Variants in KALRN observed in about 807,000 individuals in gnomAD.
KALRN encodes the protein kalirin.
A neutral mutation model predicts 353.7 loss-of-function variants in KALRN; 70 were observed. That is an observed-to-expected ratio of 0.20 (90% CI 0.16 to 0.24). The LOEUF (loss-of-function observed/expected upper bound fraction) is 0.24. KALRN is among the 10% of genes least tolerant of loss of function. KALRN has a pLI of 1.00. For synonymous variants in KALRN, 1,391 were observed against 1,434.8 expected (o/e 0.97, Z 0.69); for missense variants, 2,791 against 3,756.7 (o/e 0.74, Z 6.72).
At chr3:124,375,700 G>A (rs2086495023) in intron 10 of KALRN, among the ~76,000 whole-genome samples, 1 of 152,114 alleles carries the variant, frequency 6.6e-6, no homozygotes, top group African/African-American at 2.4e-5. Flanking sequence ...GTATTTTATT[G>A]TTGTTGTTAT....
chr3:124,227,272 A>C (rs983648135), intron 1 of KALRN, among the ~76,000 whole-genome samples: 2 of 152,352 alleles, frequency 1.3e-5, no homozygotes, highest in Non-Finnish European at 2.9e-5. Context: ...ATTTAGAAAG[A>C]GAACAAGTTA....
chr3:124,458,904 A>C (rs141409296), intron 23 of KALRN, among the ~76,000 whole-genome samples: 4 of 152,366 alleles, frequency 2.6e-5, no homozygotes, highest in African/African-American at 7.2e-5. Flanking sequence ...ACTGCACTCC[A>C]GCCTGGGCAA....
rs145058970 is a variant in KALRN, at chr3:124,717,674, C to T, written c.8415+289C>T. ...TCGCGCCACTGCACTGTAGCCTGGG[C>T]GACAGAGCGAGACTCCCTTCAAAAA... On this transcript the variant is annotated intron_variant, in intron 59 of 59. Transcript: ENST00000682506. 4.3e-3 allele frequency among the ~76,000 whole-genome samples: 655 copies of T among 151,152 alleles called. 2 individuals are homozygous for T. The highest frequency in any genetic ancestry group is 0.031 in the Middle Eastern group (9 of 286).
chr3:124,091,015 A>G (rs931919523), intron 1 of KALRN, among the ~76,000 whole-genome samples: 1 of 152,178 alleles, frequency 6.6e-6, no homozygotes, highest in Non-Finnish European at 1.5e-5. Flanking sequence ...GGGGACACTA[A>G]GCTGTCATGG....
chr3:124,216,922 C>T (rs144545533), intron 1 of KALRN, among the ~76,000 whole-genome samples: 182 of 152,276 alleles, frequency 1.2e-3, no homozygotes, highest in Middle Eastern at 3.4e-3. Context: ...TAGTTAGTCT[C>T]CTCTCTTCTC....
chr3:124,268,946 G>A lies in KALRN; in HGVS notation c.660G>A (p.Val220=), dbSNP rs1177996615. Residue 220 remains valine, a synonymous_variant, in exon 5 of 60, where the codon GTG becomes GTA. Transcript: ENST00000682506. ...TGCTAGCCCGGAAGGAGTTTCCTGTGGATGTGGAGGGCTCTCGGCGGCTCA... is the reference window on the plus strand; with the variant it reads ...TGCTAGCCCGGAAGGAGTTTCCTGTAGATGTGGAGGGCTCTCGGCGGCTCA... ...QEMLARKEFP[V]DVEGSRRLID... The A allele has an allele frequency of 1.2e-6, 2 of 1,614,104 alleles. No homozygotes were observed. The highest frequency in any genetic ancestry group is 2.2e-5 in the South Asian group (2 of 91,066).
chr3:124,217,617 T>G (rs1397547575), intron 1 of KALRN, among the ~76,000 whole-genome samples: 2 of 152,174 alleles, frequency 1.3e-5, no homozygotes, highest in Non-Finnish European at 2.9e-5. Flanking sequence ...CCATGATATA[T>G]CTTAACATCT....
chr3:124,329,721 A>G, intron 7 of KALRN, 140 bp from the exon 8 acceptor site: 3 of 880,574 alleles, frequency 3.4e-6, no homozygotes, highest in Non-Finnish European at 5.2e-6. Context: ...AATTAAAAAA[A>G]CTCTACCCTC....
intron 5 of KALRN, among the ~76,000 whole-genome samples, chr3:124,286,082 C>CTTTGTTT (rs1553893894): frequency 9.8e-6 from 1 of 102,156 alleles, no homozygotes; most frequent in Non-Finnish European, 1.9e-5. Flanking sequence ...TTCTTTCCTT[C>CTTTGTTT]CTTTCTTTCT....
chr3:124,691,680 G>C (rs960077225), intron 51 of KALRN, among the ~76,000 whole-genome samples: 10 of 152,136 alleles, frequency 6.6e-5, no homozygotes, highest in African/African-American at 2.4e-4. Context: ...GATAACCACT[G>C]TTAACATTTA....
At chr3:124,588,352 A>G (rs2075419819) in intron 34 of KALRN, among the ~76,000 whole-genome samples, 1 of 152,192 alleles carries the variant, frequency 6.6e-6, no homozygotes, top group Non-Finnish European at 1.5e-5. Context: ...TTGCTAAGTT[A>G]TGTATTGCAC....
intron 8 of KALRN, among the ~76,000 whole-genome samples, chr3:124,333,416 A>G (rs1430778085): frequency 1.3e-5 from 2 of 152,216 alleles, no homozygotes; most frequent in African/African-American, 2.4e-5. Flanking sequence ...TCCTTTACAG[A>G]CAAGGAAACT....
intron 6 of KALRN, among the ~76,000 whole-genome samples, chr3:124,316,305 G>A (rs1210469091): frequency 3.3e-5 from 5 of 152,014 alleles, no homozygotes; most frequent in Admixed American, 6.5e-5. Context: ...GTCCATTCTC[G>A]ACCCACAGCC....
intron 51 of KALRN, among the ~76,000 whole-genome samples, chr3:124,692,357 G>A (rs889287164): frequency 1.3e-5 from 2 of 152,230 alleles, no homozygotes; most frequent in African/African-American, 2.4e-5. Flanking sequence ...GGTGGTATAA[G>A]CAGGCACTTG....
chr3:124,122,621 G>A (rs2064156699), intron 1 of KALRN, among the ~76,000 whole-genome samples: 2 of 152,028 alleles, frequency 1.3e-5, no homozygotes, highest in South Asian at 4.2e-4. Context: ...CTGTGATCAG[G>A]GATCTTTGAT....
rs368246051 is a variant in KALRN, at chr3:124,483,367, A to G, written c.4284+467A>G. Among the ~76,000 whole-genome samples the G allele has an allele frequency of 6.6e-5, 10 of 152,290 alleles. No homozygotes were observed. The East Asian group carries it at 1.4e-3, about 21-fold the overall frequency. On this transcript the variant is annotated intron_variant, in intron 28 of 59. Coordinates refer to ENST00000682506, the MANE Select transcript of KALRN (RefSeq NM_001388419.1). The stretch of plus-strand genomic sequence containing the variant: ...GGAGTTTGAGACCAGCCTGGCCAAC[A>G]TGGCAAAACTCCATCTCTACTAAAA...
At chr3:124,698,685 T>A (rs2062175574) in intron 55 of KALRN, among the ~76,000 whole-genome samples, 1 of 152,186 alleles carries the variant, frequency 6.6e-6, no homozygotes. Context: ...TTGTGATCTT[T>A]CTCCCAGAGA....
At chr3:124,291,396 A>G (rs1158226252) in intron 5 of KALRN, among the ~76,000 whole-genome samples, 2 of 152,216 alleles carry the variant, frequency 1.3e-5, no homozygotes, top group African/African-American at 4.8e-5. Context: ...TTTTACCATA[A>G]GAAACATGAT....
At chr3:124,533,694 T>C (rs929398255) in intron 33 of KALRN, among the ~76,000 whole-genome samples, 8 of 152,146 alleles carry the variant, frequency 5.3e-5, no homozygotes, top group Non-Finnish European at 1.0e-4. Context: ...ATATGTCATG[T>C]AATCAGCTGG....
Sources: gnomAD v4.1 joint callset for allele counts (sites outside exome capture counted in the v4.1 genomes callset) on GRCh38, gnomAD v4.1.1 for gene constraint, MANE v1.5 for transcripts, NCBI Gene and HGNC (gene_info 2026-07-23, HGNC 2026-07-21) for gene names.